Variants in GTF2I observed in about 807,000 individuals in gnomAD.
The protein encoded by GTF2I is general transcription factor IIi, also known as general transcription factor II-I.
Under a neutral mutation model 67.6 loss-of-function variants are expected in GTF2I, and 12 were observed. The ratio of observed to expected loss-of-function variants is 0.18; its 90% CI spans 0.11 to 0.29. The LOEUF is 0.29. GTF2I is among the 10% of genes least tolerant of loss of function. The pLI is 1.00. For missense variants in GTF2I, 271 were observed against 580.1 expected (o/e 0.47, Z 5.47); for synonymous variants, 149 against 197.0 (o/e 0.76, Z 2.04).
chr7:74,679,230 C>T (rs587734922), intron 1 of GTF2I, among the ~76,000 whole-genome samples: 3 of 151,918 alleles, frequency 2.0e-5, no homozygotes, highest in Admixed American at 6.6e-5. Flanking sequence ...AGGCGCCCAC[C>T]ACACCCAGCT....
chr7:74,701,500 T>G (rs1364483209), intron 6 of GTF2I, among the ~76,000 whole-genome samples: 1 of 152,142 alleles, frequency 6.6e-6, no homozygotes, highest in Non-Finnish European at 1.5e-5. Flanking sequence ...AGACGGAGTC[T>G]TGCTCTGTCG....
chr7:74,745,862 A>C, intron 21 of GTF2I, 21 bp from the exon 22 acceptor site: 1 of 1,608,700 alleles, frequency 6.2e-7, no homozygotes, highest in South Asian at 1.1e-5. Context: ...CTACTGTAAC[A>C]CTTCTTGGTT....
chr7:74,698,992 G>C lies in GTF2I; in HGVS notation c.270G>C (p.Met90Ile). 2 of 1,484,116 alleles carry C rather than the reference G, an allele frequency of 1.3e-6. No homozygotes were observed. The highest frequency in any genetic ancestry group is 1.8e-6 in the Non-Finnish European group (2 of 1,104,192). The allele number at this position is 1,484,116 out of a possible 1,614,324, so 91.9% of individuals were successfully genotyped here. The stretch of plus-strand genomic sequence containing the variant: ...AAGAAGAAGAAAAAGCTGCAGAGAT[G>C]CATAAAATGAAATCTACAACCCAGG... ...CVEEEEKAAEMHKMKSTTQAN... is the reference protein window; with the variant it reads ...CVEEEEKAAEIHKMKSTTQAN... The change falls in exon 4 of 35, where the codon ATG (methionine) becomes ATC (isoleucine). Residue 90 changes from methionine to isoleucine, a missense_variant. Transcript: ENST00000573035.
chr7:74,679,674 G>T (rs1309111596), intron 1 of GTF2I, among the ~76,000 whole-genome samples: 1 of 152,038 alleles, frequency 6.6e-6, no homozygotes, highest in Non-Finnish European at 1.5e-5. Context: ...TAGACCTCAA[G>T]CGATCCTCCT....
chr7:74,661,591 G>C (rs1439060823), intron 1 of GTF2I, among the ~76,000 whole-genome samples: 1 of 151,936 alleles, frequency 6.6e-6, no homozygotes, highest in South Asian at 2.1e-4. Context: ...GAGGCAGGGG[G>C]ATCTCTTGAA....
intron 12 of GTF2I, among the ~76,000 whole-genome samples, chr7:74,719,619 T>G (rs1792681381): frequency 1.3e-5 from 2 of 152,234 alleles, no homozygotes; most frequent in Non-Finnish European, 2.9e-5. Context: ...GCGTTTTTCC[T>G]TTTAAATTAA....
At chr7:74,659,899 AGAG>A (rs1422103438) in intron 1 of GTF2I, among the ~76,000 whole-genome samples, 7 of 152,300 alleles carry the variant, frequency 4.6e-5, no homozygotes, top group East Asian at 1.9e-4. Context: ...CCAACAGTGC[AGAG>A]GAGAAGTCTC....
intron 14 of GTF2I, among the ~76,000 whole-genome samples, chr7:74,730,673 C>G (rs187373112): frequency 2.1e-5 from 3 of 145,730 alleles, no homozygotes; most frequent in Non-Finnish European, 4.5e-5. Flanking sequence ...TTTGTTAAAT[C>G]CAGTATTTGC....
At chr7:74,721,856 GA>G (rs879973734) in intron 12 of GTF2I, among the ~76,000 whole-genome samples, 193 of 142,482 alleles carry the variant, frequency 1.4e-3, no homozygotes, top group East Asian at 3.4e-3. Flanking sequence ...ATGTTCAGTG[GA>G]AAAAAAAAAA....
At chr7:74,684,840 T>C (rs1554395016) in intron 1 of GTF2I, 1 of 152,218 alleles carries the variant, frequency 6.6e-6, no homozygotes, top group Admixed American at 6.5e-5. Flanking sequence ...TTGAGTGTGA[T>C]TGTTACCAGT....
intron 5 of GTF2I, 75 bp downstream of exon 5, chr7:74,700,505 A>G (rs587593935): frequency 1.3e-6 from 2 of 1,594,698 alleles, no homozygotes; most frequent in Non-Finnish European, 1.7e-6. Flanking sequence ...ACGTTAATGT[A>G]TTTTTAAAAT....
chr7:74,705,490 T>C (rs1298165640), intron 7 of GTF2I, among the ~76,000 whole-genome samples: 6 of 152,160 alleles, frequency 3.9e-5, no homozygotes, highest in Non-Finnish European at 8.8e-5. Context: ...TCTGTAGTAT[T>C]TTATTATACT....
chr7:74,676,003 C>G (rs1805871771), intron 1 of GTF2I, among the ~76,000 whole-genome samples: 1 of 151,842 alleles, frequency 6.6e-6, no homozygotes, highest in South Asian at 2.1e-4. Flanking sequence ...GAGCAAGACT[C>G]CATCTAAAAC....
At chr7:74,723,154 C>T (rs1050724699) in intron 12 of GTF2I, among the ~76,000 whole-genome samples, 5 of 113,006 alleles carry the variant, frequency 4.4e-5, no homozygotes, top group East Asian at 6.1e-4. Flanking sequence ...GACGGAGTTT[C>T]GCTCTGTCGC....
chr7:74,662,802 G>A (rs1235397717), intron 1 of GTF2I, among the ~76,000 whole-genome samples: 1 of 151,966 alleles, frequency 6.6e-6, no homozygotes, highest in Non-Finnish European at 1.5e-5. Flanking sequence ...GCTTACAGGC[G>A]CCCTGTGATT....
chr7:74,707,437 CT>C (rs1278282505), intron 8 of GTF2I, among the ~76,000 whole-genome samples: 1 of 152,318 alleles, frequency 6.6e-6, no homozygotes, highest in African/African-American at 2.4e-5. Context: ...GGGCAGCCAC[CT>C]GCCCCGCTTC....
chr7:74,714,179 T>A (rs1791970211), intron 9 of GTF2I, among the ~76,000 whole-genome samples: 1 of 152,172 alleles, frequency 6.6e-6, no homozygotes, highest in African/African-American at 2.4e-5. Flanking sequence ...ATTTTAATCA[T>A]TAAAAAGTTT....
intron 1 of GTF2I, among the ~76,000 whole-genome samples, chr7:74,669,928 C>A (rs1488366902): frequency 6.6e-6 from 1 of 152,156 alleles, no homozygotes; most frequent in Non-Finnish European, 1.5e-5. Context: ...GGTACACATA[C>A]TTCATTTCAA....
At chr7:74,700,964 G>A (rs1789649978) in intron 6 of GTF2I, among the ~76,000 whole-genome samples, 1 of 152,208 alleles carries the variant, frequency 6.6e-6, no homozygotes, top group Admixed American at 6.5e-5. Context: ...GAGGGGATAC[G>A]CAGCTGTGTA....
Sources: allele counts gnomAD v4.1 joint callset (sites outside exome capture counted in the v4.1 genomes callset), GRCh38; gene constraint gnomAD v4.1.1; transcripts MANE v1.5; gene names NCBI Gene and HGNC (gene_info 2026-07-23, HGNC 2026-07-21).